The following SPTBN5 variants were observed in gnomAD, a reference collection of about 807,000 sequenced individuals.
SPTBN5 encodes spectrin beta chain, non-erythrocytic 5.
Under a neutral mutation model 477.6 loss-of-function variants are expected in SPTBN5, and 513 were observed. The observed-to-expected ratio is 1.07, with a 90% confidence interval of 1.00 to 1.16. The LOEUF (loss-of-function observed/expected upper bound fraction) is 1.16, where lower values mean the gene tolerates loss of function less well. SPTBN5 is among the 50% of genes most tolerant of loss of function. SPTBN5 has a pLI of 0.00. For synonymous variants in SPTBN5, 2,169 were observed against 2,011.7 expected, an observed-to-expected ratio of 1.08 and a Z score of -2.09; for missense variants, 5,062 against 4,731.8, an observed-to-expected ratio of 1.07 and a Z score of -2.05.
At chr15:41,864,704 G>A (rs2066238032) in intron 39 of SPTBN5, among the ~76,000 whole-genome samples, 1 of 152,228 alleles carries the variant, frequency 6.6e-6, no homozygotes, top group African/African-American at 2.4e-5. Context: ...GGCTTCCTGG[G>A]GTTTGGGTGT....
At position 41,883,621 on chromosome 15, in the gene SPTBN5, C is replaced by CT. The variant is rs1451601450; in HGVS notation, c.1521-136dup. 6.0e-6 allele frequency: 6 copies of CT among 995,898 alleles called. No individual in the cohort carries two copies. The East Asian group carries it at 1.5e-4, about 24-fold the overall frequency. 61.7% of individuals were successfully genotyped at this position (995,898 alleles called of 1,614,324 possible). A position where few individuals can be genotyped will look rare whatever the true frequency, so the allele number is the denominator to read the frequency against. ...ATGGCTGGGGCAAGGTCTATGGACTCTGACAGCATCCTGGCAGGCGGTGGT... is the reference window on the plus strand; with the variant it reads ...ATGGCTGGGGCAAGGTCTATGGACTCTTGACAGCATCCTGGCAGGCGGTGGT... On this transcript the variant is annotated intron_variant, in intron 7 of 67. Transcript: ENST00000320955.
chr15:41,850,410 T>A (rs186411082), intron 66 of SPTBN5: 76 of 223,720 alleles, frequency 3.4e-4, no homozygotes, highest in African/African-American at 1.6e-3. Context: ...TTCCTCCAAG[T>A]AGAACCTGGC....
intron 5 of SPTBN5, 151 bp downstream of exon 5, chr15:41,887,777 G>A (rs1332642326): frequency 1.2e-6 from 1 of 811,748 alleles, no homozygotes; most frequent in Non-Finnish European, 1.9e-6. Context: ...CTAGGGAAGG[G>A]AAAGGGGCTA....
At chr15:41,849,084 C>T (rs543110822) in intron 67 of SPTBN5, among the ~76,000 whole-genome samples, 1 of 152,330 alleles carries the variant, frequency 6.6e-6, no homozygotes, top group South Asian at 2.1e-4. Flanking sequence ...TATGCGTGTG[C>T]ACATCTAGGC....
At chr15:41,851,428 C>A in intron 63 of SPTBN5, 59 bp from the exon 64 acceptor site, 1 of 1,228,974 alleles carries the variant, frequency 8.1e-7, no homozygotes, top group Non-Finnish European at 1.2e-6. Context: ...GAGCTAGGGC[C>A]TGTCCACGCC....
chr15:41,861,772 T>C lies in SPTBN5; in HGVS notation c.7700A>G (p.Glu2567Gly). The change falls in exon 45 of 68, where the codon GAG becomes GGG. Residue 2567 changes from glutamate (E) to glycine (G), a missense_variant. Glu to Gly is a moderately conservative substitution (Grantham distance 98, BLOSUM62 -2). Coordinates refer to ENST00000320955, the MANE Select transcript of SPTBN5 (RefSeq NM_016642.4). ...ELSSLEGAWQEHQLQLQQALE... is the reference protein window; with the variant it reads ...ELSSLEGAWQGHQLQLQQALE... ...GGCCTGCTGCAGCTGTAGCTGATGC[T>C]CCTGCCAGGCCCCTTCCAGGCTGCT... 6.4e-7 allele frequency: 1 copy of C among 1,555,544 alleles called. No homozygotes were observed.
intron 19 of SPTBN5, 60 bp from the exon 20 acceptor site, chr15:41,876,707 G>T (rs900549852): frequency 4.4e-6 from 7 of 1,595,886 alleles, no homozygotes; most frequent in Non-Finnish European, 6.0e-6. Flanking sequence ...CCAGCACGAG[G>T]TGCACTCTCC....
At chr15:41,888,714 G>T (rs1324268320) in intron 4 of SPTBN5, among the ~76,000 whole-genome samples, 2 of 152,222 alleles carry the variant, frequency 1.3e-5, no homozygotes, top group Non-Finnish European at 2.9e-5. Flanking sequence ...GCCTGCCTTG[G>T]CCTCCCAAAG....
Position 41,866,019 on chromosome 15 carries a change from C to G in SPTBN5, c.6822+19G>C. On this transcript the variant is annotated intron_variant, in intron 38 of 67. Transcript: ENST00000320955. ...GCTCCTCCCCCCATCTCTCAGCCCCCACCCAGCTGGGGCTACACCTTCTCC... is the reference window on the plus strand; with the variant it reads ...GCTCCTCCCCCCATCTCTCAGCCCCGACCCAGCTGGGGCTACACCTTCTCC... The G allele has an allele frequency of 1.3e-6, 2 of 1,550,250 alleles. No individual in the cohort carries two copies. Among genetic ancestry groups the G allele is most frequent in the South Asian group, 2.4e-5 (2 of 84,028 alleles).
At chr15:41,856,756 G>A (rs2065939380) in intron 52 of SPTBN5, 97 bp downstream of exon 52, 11 of 1,387,966 alleles carry the variant, frequency 7.9e-6, no homozygotes, top group Non-Finnish European at 1.1e-5. Context: ...AGCCCCCACA[G>A]GCAGAGAGTT....
chr15:41,880,321 A>C lies in SPTBN5; in HGVS notation c.2659-9T>G, dbSNP rs763309631. On this transcript the variant is annotated splice_polypyrimidine_tract_variant and intron_variant, in intron 13 of 67. Coordinates refer to ENST00000320955, the MANE Select transcript of SPTBN5 (RefSeq NM_016642.4). ...AACCGGGCCCTGCGGAGCTGGGGAG[A>C]GGTGGCCCAAGGCTGGGGTGAGGGT... 2 of 1,591,554 alleles carry C rather than the reference A, an allele frequency of 1.3e-6. No homozygotes were observed. The highest frequency in any genetic ancestry group is 2.3e-5 in the South Asian group (2 of 86,924).
Position 41,873,503 on chromosome 15 carries a change from T to C in SPTBN5, c.4996A>G (p.Asn1666Asp). ...TCAGGACGTGGTACCTGGTGCTTGTTAATGAGCCTGAGGGTGGCTGCCTCG... is the reference window on the plus strand; with the variant it reads ...TCAGGACGTGGTACCTGGTGCTTGTCAATGAGCCTGAGGGTGGCTGCCTCG... ...RDEAATLRLINKHQALQEELA... is the reference protein window; with the variant it reads ...RDEAATLRLIDKHQALQEELA... The change falls in exon 26 of 68, where the codon AAC becomes GAC. Residue 1666 changes from asparagine to aspartate, a missense_variant. Transcript: ENST00000320955. The C allele has an allele frequency of 1.3e-6, 2 of 1,551,500 alleles. No homozygotes were observed. The highest frequency in any genetic ancestry group is 8.7e-7 in the Non-Finnish European group (1 of 1,146,852).
chr15:41,849,710 G>T (rs56651358), intron 67 of SPTBN5, among the ~76,000 whole-genome samples, 159 bp downstream of exon 67: 2,553 of 152,288 alleles, frequency 0.017, 69 homozygotes, highest in African/African-American at 0.059. Flanking sequence ...ATTCCTCTCA[G>T]CTGAGAGTGG....
Position 41,866,034 on chromosome 15 carries a change from A to G in SPTBN5, c.6822+4T>C. On this transcript the variant is annotated splice_donor_region_variant and intron_variant, in intron 38 of 67. Coordinates refer to ENST00000320955, the MANE Select transcript of SPTBN5 (RefSeq NM_016642.4). ...TCTCAGCCCCCACCCAGCTGGGGCTACACCTTCTCCTGGATCCAGGCCTCT... is the reference window on the plus strand; with the variant it reads ...TCTCAGCCCCCACCCAGCTGGGGCTGCACCTTCTCCTGGATCCAGGCCTCT... 1 of 1,552,450 alleles carries G rather than the reference A, an allele frequency of 6.4e-7. No individual in the cohort carries two copies. Among genetic ancestry groups the G allele is most frequent in the Non-Finnish European group, 8.7e-7 (1 of 1,148,280 alleles).
intron 3 of SPTBN5, 114 bp downstream of exon 3, chr15:41,892,780 C>G: frequency 8.0e-7 from 1 of 1,244,218 alleles, no homozygotes; most frequent in Non-Finnish European, 1.1e-6. Context: ...TGTACTCAGG[C>G]CCCAGCTCCT....
intron 32 of SPTBN5, among the ~76,000 whole-genome samples, chr15:41,869,296 G>C (rs2066448978): frequency 6.6e-6 from 1 of 152,180 alleles, no homozygotes; most frequent in South Asian, 2.1e-4. Flanking sequence ...TGTCAGTTTG[G>C]GCCTCCTGGT....
In SPTBN5 at chr15:41,856,472, T is replaced by C; in HGVS notation, c.8935A>G (p.Lys2979Glu). The C allele has an allele frequency of 2.5e-6, 4 of 1,597,664 alleles. No individual in the cohort carries two copies. The highest frequency in any genetic ancestry group is 1.1e-5 in the South Asian group (1 of 88,424). Residue 2979 changes from lysine to glutamate, a missense_variant, in exon 53 of 68, where the codon AAG becomes GAG. Coordinates refer to ENST00000320955, the MANE Select transcript of SPTBN5 (RefSeq NM_016642.4). Reference protein sequence around the residue: ...EVAARVQQLEKAMAHLRAEAA... With the variant: ...EVAARVQQLEEAMAHLRAEAA... ...TCTGCCCGCAGGTGGGCCATGGCCT[T>C]CTCCAGCTGCTGCACCCGGGCGGCC...
At chr15:41,875,989 G>A (rs1056659296) in intron 21 of SPTBN5, 125 bp downstream of exon 21, 9 of 1,194,302 alleles carry the variant, frequency 7.5e-6, no homozygotes, top group Non-Finnish European at 1.0e-5. Flanking sequence ...CTTGCAGGGG[G>A]AGGTTCTAGG....
rs1189726555 is a variant in SPTBN5, at chr15:41,857,647, C to T, written c.8290G>A (p.Glu2764Lys). Residue 2764 changes from glutamate (E) to lysine (K), a missense_variant, in exon 50 of 68, where the codon GAG (glutamate) becomes AAG (lysine). By Grantham distance (56) the Glu-to-Lys change is moderately conservative. Transcript: ENST00000320955. Reference sequence around the variant, plus strand: ...AGCTCACCCCAGAGTGCTCCCAGCTCCTCCAGTCGCTCCTGGATGGCCTCC... The same window carrying T: ...AGCTCACCCCAGAGTGCTCCCAGCTTCTCCAGTCGCTCCTGGATGGCCTCC... Reference protein sequence around the residue: ...ASEAIQERLEELGALWGELQD... With the variant: ...ASEAIQERLEKLGALWGELQD... The T allele has an allele frequency of 1.3e-6, 2 of 1,596,036 alleles. No homozygotes were observed. The highest frequency in any genetic ancestry group is 1.7e-5 in the Admixed American group (1 of 57,598).
Sources: gnomAD v4.1 joint callset for allele counts (sites outside exome capture counted in the v4.1 genomes callset) on GRCh38, gnomAD v4.1.1 for gene constraint, MANE v1.5 for transcripts, NCBI Gene and HGNC (gene_info 2026-07-23, HGNC 2026-07-21) for gene names.